PDE7B: variants seen among roughly 807,000 people sequenced by gnomAD.
The protein encoded by PDE7B is 3',5'-cyclic-AMP phosphodiesterase 7B.
PDE7B carries 29 observed loss-of-function variants against 56.2 expected under a neutral mutation model. The ratio of observed to expected loss-of-function variants is 0.52; its 90% CI spans 0.38 to 0.70. PDE7B has a LOEUF of 0.70. Ranked by LOEUF, PDE7B falls within the 30% of genes least tolerant of loss-of-function variation. The pLI is 0.00. For missense variants in PDE7B, 490 were observed against 565.0 expected (o/e 0.87, Z 1.35); for synonymous variants, 197 against 196.9 (o/e 1.00, Z 0.00).
chr6:136,128,824 T>G (rs1363164547), intron 3 of PDE7B, among the ~76,000 whole-genome samples: 1 of 152,162 alleles, frequency 6.6e-6, no homozygotes, highest in African/African-American at 2.4e-5. Context: ...GGGAAAAGAC[T>G]AGGAAGACTT....
At chr6:135,885,989 G>A (rs1775702192) in intron 1 of PDE7B, among the ~76,000 whole-genome samples, 1 of 152,158 alleles carries the variant, frequency 6.6e-6, no homozygotes, top group Admixed American at 6.5e-5. Context: ...ATTTCTGTCA[G>A]CTTTGAGCAA....
intron 2 of PDE7B, among the ~76,000 whole-genome samples, chr6:136,021,471 C>T (rs1369775056): frequency 2.6e-5 from 4 of 151,938 alleles, no homozygotes; most frequent in Admixed American, 2.6e-4. Context: ...ATGATGAGAC[C>T]CCATCTCTAC....
chr6:136,156,906 AT>A (rs569079704), intron 8 of PDE7B, among the ~76,000 whole-genome samples: 1 of 152,142 alleles, frequency 6.6e-6, no homozygotes, highest in Non-Finnish European at 1.5e-5. Context: ...GATGAAAAAA[AT>A]TTCTTTTAAA....
chr6:136,021,569 AG>A (rs1189403060), intron 2 of PDE7B, among the ~76,000 whole-genome samples: 1 of 151,716 alleles, frequency 6.6e-6, no homozygotes, highest in Non-Finnish European at 1.5e-5. Flanking sequence ...GCTTGAACCC[AG>A]GAGGCGGAGG....
chr6:136,102,687 T>A (rs1777583389), intron 2 of PDE7B, among the ~76,000 whole-genome samples: 1 of 152,200 alleles, frequency 6.6e-6, no homozygotes, highest in Non-Finnish European at 1.5e-5. Flanking sequence ...ATGAGACTCC[T>A]ATGTTCCTGG....
chr6:136,088,628 A>G (rs537759060), intron 2 of PDE7B, among the ~76,000 whole-genome samples: 1 of 152,266 alleles, frequency 6.6e-6, no homozygotes, highest in South Asian at 2.1e-4. Context: ...ATCTGTGGAG[A>G]TAGAAGGTAG....
intron 3 of PDE7B, among the ~76,000 whole-genome samples, chr6:136,120,560 G>C (rs1777912182): frequency 6.6e-6 from 1 of 152,194 alleles, no homozygotes; most frequent in African/African-American, 2.4e-5. Context: ...AAGAAGGAAA[G>C]AAGGGATGCA....
intron 2 of PDE7B, among the ~76,000 whole-genome samples, chr6:136,005,035 T>G (rs1775752266): frequency 1.3e-5 from 2 of 152,200 alleles, no homozygotes; most frequent in Admixed American, 1.3e-4. Flanking sequence ...AACAGAGCTC[T>G]CAGAAATAAC....
chr6:136,185,840 T>C (rs1021242911), intron 11 of PDE7B, among the ~76,000 whole-genome samples: 1 of 152,176 alleles, frequency 6.6e-6, no homozygotes, highest in South Asian at 2.1e-4. Flanking sequence ...GTAGTCACTA[T>C]ATAAATGTTG....
At chr6:135,996,073 C>A (rs767245842) in intron 2 of PDE7B, among the ~76,000 whole-genome samples, 1 of 151,990 alleles carries the variant, frequency 6.6e-6, no homozygotes, top group Non-Finnish European at 1.5e-5. Context: ...TAAAATAAAA[C>A]CTCTACTTGA....
chr6:135,975,836 T>G (rs1441030935), intron 2 of PDE7B, among the ~76,000 whole-genome samples: 2 of 152,084 alleles, frequency 1.3e-5, no homozygotes, highest in Non-Finnish European at 2.9e-5. Context: ...CAGTCAGGAC[T>G]GGGACAGTTG....
intron 1 of PDE7B, among the ~76,000 whole-genome samples, chr6:135,898,131 C>T (rs1485644495): frequency 6.6e-6 from 1 of 152,184 alleles, no homozygotes; most frequent in South Asian, 2.1e-4. Context: ...GGCTTACTTG[C>T]AGCTAGGCAC....
chr6:136,007,282 CT>C (rs1179743941), intron 2 of PDE7B, among the ~76,000 whole-genome samples: 2 of 152,064 alleles, frequency 1.3e-5, no homozygotes, highest in Admixed American at 6.6e-5. Flanking sequence ...ATGGATTAGC[CT>C]TTTGATGTGC....
At chr6:136,034,070 T>G (rs1183339033) in intron 2 of PDE7B, 1 of 152,204 alleles carries the variant, frequency 6.6e-6, no homozygotes, top group Non-Finnish European at 1.5e-5. Flanking sequence ...ATTAAACTTT[T>G]TGTTTTGTAA....
At position 136,107,110 on chromosome 6, in the gene PDE7B, C is replaced by T. The variant is rs1351947131; in HGVS notation, c.83-1621C>T. ...GGCTTGCACTTTACAACCCCAAGTACACTCAAGGCCCATCTATGAGGGACA... is the reference window on the plus strand; with the variant it reads ...GGCTTGCACTTTACAACCCCAAGTATACTCAAGGCCCATCTATGAGGGACA... On this transcript the variant is annotated intron_variant, in intron 2 of 12. Coordinates refer to ENST00000308191, the MANE Select transcript of PDE7B (RefSeq NM_018945.4). 3.9e-5 allele frequency among the ~76,000 whole-genome samples: 6 copies of T among 152,162 alleles called. No homozygotes were observed. The South Asian group carries it at 6.2e-4, about 16-fold the overall frequency.
intron 2 of PDE7B, among the ~76,000 whole-genome samples, chr6:136,084,380 G>A (rs759940072): frequency 2.9e-4 from 44 of 152,094 alleles, no homozygotes; most frequent in Admixed American, 8.5e-4. Context: ...AACTGTGCCA[G>A]AAATATATAT....
chr6:136,153,880 C>G (rs1220660612), intron 6 of PDE7B, among the ~76,000 whole-genome samples, 195 bp from the exon 7 acceptor site: 1 of 152,150 alleles, frequency 6.6e-6, no homozygotes, highest in Non-Finnish European at 1.5e-5. Flanking sequence ...CCTCTGCTGT[C>G]CATCTCTGCT....
intron 2 of PDE7B, among the ~76,000 whole-genome samples, chr6:136,000,923 T>C (rs953692000): frequency 6.6e-6 from 1 of 151,538 alleles, no homozygotes; most frequent in Non-Finnish European, 1.5e-5. Context: ...CCCTGACCCC[T>C]GAGCAGCCTA....
chr6:135,873,400 T>G (rs894300662), intron 1 of PDE7B, among the ~76,000 whole-genome samples: 1 of 152,214 alleles, frequency 6.6e-6, no homozygotes, highest in Admixed American at 6.5e-5. Flanking sequence ...AAAATTTTTT[T>G]CACTGAAATA....
Sources: gnomAD v4.1 joint callset for allele counts (sites outside exome capture counted in the v4.1 genomes callset) on GRCh38, gnomAD v4.1.1 for gene constraint, MANE v1.5 for transcripts, NCBI Gene and HGNC (gene_info 2026-07-23, HGNC 2026-07-21) for gene names.